FRMPD4: variants seen among roughly 807,000 people sequenced by gnomAD.
The protein encoded by FRMPD4 is FERM and PDZ domain-containing protein 4.
A neutral mutation model predicts 94.1 loss-of-function variants in FRMPD4; 22 were observed. The ratio of observed to expected loss-of-function variants is 0.23; its 90% confidence interval spans 0.17 to 0.33. The LOEUF (loss-of-function observed/expected upper bound fraction) is 0.33, where lower values mean the gene tolerates loss of function less well. Ranked by LOEUF, FRMPD4 falls within the 10% of genes least tolerant of loss-of-function variation. The pLI is 1.00. For synonymous variants in FRMPD4, 631 were observed against 548.6 expected, an observed-to-expected ratio of 1.15 and a Z score of -2.10; for missense variants, 1,111 against 1,339.9, an observed-to-expected ratio of 0.83 and a Z score of 2.67.
intron 3 of FRMPD4, among the ~76,000 whole-genome samples, chrX:11,967,769 T>TG (rs1314745810): frequency 9.6e-6 from 1 of 103,859 alleles, no homozygotes; most frequent in African/African-American, 3.5e-5. Context: ...TTTTTTTTTT[T>TG]TTTTTTTTTA....
rs1491368741 is a variant in FRMPD4 at position 12,388,850 on chromosome X, T to TATATAC, written c.42-109829_42-109828insTATACA. On this transcript the variant is annotated intron_variant, in intron 1 of 16. Transcript: ENST00000675598. The stretch of plus-strand genomic sequence containing the variant: ...ATATATATATATATATATATATATA[T>TATATAC]ACACACAATGGAGTACTATTCAGCC... 1.3e-3 allele frequency among the ~76,000 whole-genome samples: 93 copies of TATATAC among 73,446 alleles called. 1 individual carries two copies. Among genetic ancestry groups the TATATAC allele is most frequent in the African/African-American group, 5.7e-3 (88 of 15,555 alleles). The allele number at this position is 73,446 out of a possible 115,157, so 63.8% of individuals were successfully genotyped here. A position where few individuals can be genotyped will look rare whatever the true frequency, so the allele number is the denominator to read the frequency against.
intron 2 of FRMPD4, among the ~76,000 whole-genome samples, chrX:12,539,325 A>G (rs1324494088): frequency 8.9e-6 from 1 of 112,213 alleles, no homozygotes; most frequent in Non-Finnish European, 1.9e-5. Flanking sequence ...GTGTACCTGA[A>G]AGTGACAGGG....
At chrX:12,683,681 C>A in intron 6 of FRMPD4, 94 bp downstream of exon 6, 1 of 475,859 alleles carries the variant, frequency 2.1e-6, no homozygotes, top group Non-Finnish European at 3.7e-6. Flanking sequence ...ACTGGAATGA[C>A]TGATCTGAAA....
chrX:12,683,117 C>A (rs1172361951), intron 5 of FRMPD4, among the ~76,000 whole-genome samples: 1 of 112,026 alleles, frequency 8.9e-6, no homozygotes, highest in Admixed American at 9.5e-5. Flanking sequence ...ATGATCAATT[C>A]ATCATAAACC....
At chrX:12,583,618 G>T in intron 2 of FRMPD4, 2 of 488,401 alleles carry the variant, frequency 4.1e-6, no homozygotes, top group Non-Finnish European at 6.7e-6. Context: ...CTCGCACCTG[G>T]CGGCCCCGCC....
intron 2 of FRMPD4, among the ~76,000 whole-genome samples, chrX:12,524,866 T>C (rs908017567): frequency 3.6e-5 from 4 of 111,765 alleles, no homozygotes; most frequent in Admixed American, 2.9e-4. Flanking sequence ...CCGCAATCCA[T>C]GGGACATATG....
At chrX:11,862,148 A>G (rs1359041220) in intron 1 of FRMPD4, among the ~76,000 whole-genome samples, 3 of 111,502 alleles carry the variant, frequency 2.7e-5, no homozygotes, top group Non-Finnish European at 5.7e-5. Flanking sequence ...CCCACCTCCA[A>G]CATTGGGGGT....
chrX:12,696,586 C>CAAAAAAAAAAAAAA (rs57877846), intron 9 of FRMPD4, among the ~76,000 whole-genome samples: 23 of 30,055 alleles, frequency 7.7e-4, no homozygotes, highest in African/African-American at 9.5e-4. Flanking sequence ...AAAAATGAAG[C>CAAAAAAAAAAAAAA]AAAAAAAAAA....
Position 11,870,760 on chromosome X carries a change from C to A in FRMPD4, c.-30+5544C>A, listed in dbSNP as rs532506436. Reference sequence around the variant, plus strand: ...GACCCAACAGTAATAAAAATAGCATCTTGGACCGGCAGTAGGTAACTTTTT... The same window carrying A: ...GACCCAACAGTAATAAAAATAGCATATTGGACCGGCAGTAGGTAACTTTTT... On this transcript the variant is annotated intron_variant, in intron 2 of 18. Coordinates refer to the FRMPD4 transcript ENST00000640291. Among the ~76,000 whole-genome samples, 7 of 112,121 alleles carry A rather than the reference C, an allele frequency of 6.2e-5. No individual in the cohort carries two copies. In the East Asian group the frequency reaches 2.0e-3, roughly 31 times the overall value.
chrX:12,621,352 C>A (rs1263460840), intron 4 of FRMPD4, among the ~76,000 whole-genome samples: 1 of 111,177 alleles, frequency 9.0e-6, no homozygotes, highest in Non-Finnish European at 1.9e-5. Context: ...CATGACACCA[C>A]AAAAGGAAAC....
chrX:12,723,990 G>C lies in FRMPD4; in HGVS notation c.*2132G>C, dbSNP rs1353680691. On this transcript the variant is annotated 3_prime_UTR_variant, in exon 17 of 17. Transcript: ENST00000675598. Reference sequence around the variant, plus strand: ...TACCACAATACCTGGCAGAGAGTAAGTATTCAATTAATGTTAGCTATTATT... The same window carrying C: ...TACCACAATACCTGGCAGAGAGTAACTATTCAATTAATGTTAGCTATTATT... 1 of 112,151 alleles carries C rather than the reference G, an allele frequency of 8.9e-6. No homozygotes were observed. Among genetic ancestry groups the C allele is most frequent in the African/African-American group, 3.2e-5 (1 of 30,850 alleles). 9.2% of individuals were successfully genotyped at this position (112,151 alleles called of 1,213,427 possible). A position where few individuals can be genotyped will look rare whatever the true frequency, so the allele number is the denominator to read the frequency against.
chrX:11,868,636 T>C (rs1258087499), intron 2 of FRMPD4, among the ~76,000 whole-genome samples: 1 of 112,077 alleles, frequency 8.9e-6, no homozygotes, highest in Non-Finnish European at 1.9e-5. Context: ...ATATCAACTG[T>C]AGCAGAATCC....
intron 1 of FRMPD4, among the ~76,000 whole-genome samples, chrX:11,838,675 C>A (rs1211651076): frequency 3.6e-5 from 4 of 111,355 alleles, no homozygotes; most frequent in Non-Finnish European, 7.5e-5. Flanking sequence ...CAGGTAACCA[C>A]TGATCTGCTT....
At chrX:12,472,561 T>A (rs1056449768) in intron 1 of FRMPD4, among the ~76,000 whole-genome samples, 3 of 111,197 alleles carry the variant, frequency 2.7e-5, no homozygotes, top group African/African-American at 9.8e-5. Context: ...GTTAAAAACC[T>A]TGAAAAAAGA....
intron 3 of FRMPD4, among the ~76,000 whole-genome samples, chrX:12,122,217 A>T (rs857354): frequency 0.44 from 48,407 of 110,150 alleles, 9,212 homozygotes; most frequent in East Asian, 0.82. Context: ...TGACTGTAAT[A>T]TCCCCCTTAG....
intron 2 of FRMPD4, among the ~76,000 whole-genome samples, chrX:11,877,586 A>G (rs1021634488): frequency 8.9e-6 from 1 of 112,079 alleles, no homozygotes; most frequent in Non-Finnish European, 1.9e-5. Context: ...TTTATGTTCC[A>G]TGTCAGACCT....
At chrX:12,433,209 C>G (rs2057028265) in intron 1 of FRMPD4, among the ~76,000 whole-genome samples, 1 of 111,947 alleles carries the variant, frequency 8.9e-6, no homozygotes, top group Non-Finnish European at 1.9e-5. Context: ...CAGAAAAGTG[C>G]AGAGCAAAAG....
intron 1 of FRMPD4, among the ~76,000 whole-genome samples, chrX:12,423,944 T>C (rs2056916184): frequency 2.0e-5 from 2 of 98,036 alleles, no homozygotes; most frequent in African/African-American, 7.2e-5. Context: ...CTGTTAAGTA[T>C]AAAACAAGAA....
intron 3 of FRMPD4, among the ~76,000 whole-genome samples, chrX:11,966,083 A>C (rs1263800016): frequency 8.9e-6 from 1 of 112,110 alleles, no homozygotes; most frequent in Admixed American, 9.4e-5. Context: ...ATATACACCA[A>C]GTTGGAGGGA....
Sources: gnomAD v4.1 joint callset for allele counts (sites outside exome capture counted in the v4.1 genomes callset) on GRCh38, gnomAD v4.1.1 for gene constraint, MANE v1.5 for transcripts, NCBI Gene and HGNC (gene_info 2026-07-23, HGNC 2026-07-21) for gene names.